ZNF106: variants seen among roughly 807,000 people sequenced by gnomAD.
The protein encoded by ZNF106 is zinc finger protein 106, also known as SH3-domain binding protein 3.
A neutral mutation model predicts 195.1 loss-of-function variants in ZNF106; 67 were observed. The ratio of observed to expected loss-of-function variants is 0.34; its 90% confidence interval spans 0.28 to 0.42. The LOEUF is 0.42. Ranked by LOEUF, ZNF106 falls within the 10% of genes least tolerant of loss-of-function variation. The probability of loss-of-function intolerance (pLI) is 1.00; values close to 1 mark genes in which losing one functional copy is unlikely to be tolerated. For missense variants in ZNF106, 2,118 were observed against 2,304.5 expected (o/e 0.92, Z 1.66); for synonymous variants, 784 against 818.6 (o/e 0.96, Z 0.72).
intron 3 of ZNF106, among the ~76,000 whole-genome samples, chr15:42,458,768 G>A (rs1330160999): frequency 2.6e-5 from 4 of 151,216 alleles, no homozygotes; most frequent in Admixed American, 2.6e-4. Context: ...TTCTAGGTGT[G>A]CTGTTTTTTG....
At chr15:42,454,802 G>A (rs1167028295) in intron 4 of ZNF106, among the ~76,000 whole-genome samples, 2 of 151,990 alleles carry the variant, frequency 1.3e-5, no homozygotes, top group African/African-American at 4.8e-5. Context: ...GGGAGGTTGA[G>A]GTGGGAGGAC....
intron 3 of ZNF106, chr15:42,457,471 G>C: frequency 8.2e-7 from 1 of 1,225,756 alleles, no homozygotes; most frequent in Non-Finnish European, 1.0e-6. Context: ...GGGGAGGCAG[G>C]GCAGGGGGCT....
In ZNF106 at chr15:42,444,258, G is replaced by A; in HGVS notation, c.3365C>T (p.Thr1122Ile). 4 of 1,606,336 alleles carry A rather than the reference G, an allele frequency of 2.5e-6. No homozygotes were observed. The highest frequency in any genetic ancestry group is 3.4e-6 in the Non-Finnish European group (4 of 1,174,866). The change falls in exon 9 of 22, where the codon ACT (threonine) becomes ATT (isoleucine). Residue 1122 changes from threonine (T) to isoleucine (I), a missense_variant. Transcript: ENST00000564754. ...QRLLMLKQQI[T>I]MEMSALRTHR... ...GGTCCTCAGTGCACTCATCTCCATA[G>A]TTATCTAAAAATAAAGTATTTTATT...
chr15:42,487,925 C>T (rs1325612858), intron 1 of ZNF106, among the ~76,000 whole-genome samples: 1 of 152,136 alleles, frequency 6.6e-6, no homozygotes, highest in African/African-American at 2.4e-5. Flanking sequence ...CAGGATCCCC[C>T]TCAATACCAA....
At chr15:42,452,770 C>T (rs2056088490) in intron 4 of ZNF106, among the ~76,000 whole-genome samples, 1 of 144,886 alleles carries the variant, frequency 6.9e-6, no homozygotes, top group African/African-American at 2.6e-5. Flanking sequence ...ACTGCAACCT[C>T]TGTCTCCCAG....
intron 1 of ZNF106, among the ~76,000 whole-genome samples, chr15:42,477,429 T>C (rs1474947673): frequency 1.3e-5 from 2 of 152,236 alleles, no homozygotes; most frequent in Admixed American, 1.3e-4. Flanking sequence ...GATAGTATAG[T>C]TTCCATATAC....
intron 1 of ZNF106, among the ~76,000 whole-genome samples, chr15:42,487,148 C>T (rs936249489): frequency 3.3e-5 from 5 of 151,546 alleles, no homozygotes; most frequent in African/African-American, 9.7e-5. Context: ...GAAACTCCAT[C>T]TTTAAAAAAA....
chr15:42,432,698 C>T (rs1486927839), intron 14 of ZNF106, among the ~76,000 whole-genome samples: 4 of 139,058 alleles, frequency 2.9e-5, no homozygotes, highest in Non-Finnish European at 4.5e-5. Context: ...CATAGCAAGA[C>T]CGTATTTCTA....
At chr15:42,459,876 T>C (rs1375230939) in intron 3 of ZNF106, among the ~76,000 whole-genome samples, 2 of 148,792 alleles carry the variant, frequency 1.3e-5, no homozygotes, top group Admixed American at 1.3e-4. Context: ...CCATCTCTAC[T>C]AAAAAAAAAT....
intron 1 of ZNF106, among the ~76,000 whole-genome samples, chr15:42,487,506 A>G: frequency 6.6e-6 from 1 of 151,368 alleles, no homozygotes; most frequent in Non-Finnish European, 1.5e-5. Context: ...AAAAAAAAAA[A>G]AAAAAAAAGC....
At position 42,472,231 on chromosome 15, in the gene ZNF106, A is replaced by G; in HGVS notation, c.54+5T>C. On this transcript the variant is annotated splice_donor_5th_base_variant and intron_variant, in intron 2 of 21. Transcript: ENST00000564754. ...AGCCTCAGATTCTCCCTCTTCCATT[A>G]TTACCTTTTTTGAGCTGTACACGAT... The G allele has an allele frequency of 1.3e-6, 2 of 1,534,660 alleles. No homozygotes were observed. Among genetic ancestry groups the G allele is most frequent in the Non-Finnish European group, 1.7e-6 (2 of 1,146,168 alleles).
chr15:42,474,318 T>C (rs1004282822), intron 1 of ZNF106, among the ~76,000 whole-genome samples: 16 of 152,176 alleles, frequency 1.1e-4, no homozygotes, highest in African/African-American at 3.4e-4. Flanking sequence ...GGACTTTGCA[T>C]ATTTTGTTCA....
chr15:42,418,760 T>G (rs1406223820), intron 20 of ZNF106, among the ~76,000 whole-genome samples: 1 of 152,068 alleles, frequency 6.6e-6, no homozygotes, highest in Non-Finnish European at 1.5e-5. Flanking sequence ...AAACTACATT[T>G]GTGGAAATAT....
intron 10 of ZNF106, among the ~76,000 whole-genome samples, chr15:42,440,920 T>G (rs2055477175): frequency 1.4e-5 from 2 of 139,142 alleles, no homozygotes; most frequent in Admixed American, 7.7e-5. Flanking sequence ...GAGGCAGAGG[T>G]TGCCGTGAGC....
chr15:42,438,815 A>G (rs2055384239), intron 11 of ZNF106, 148 bp from the exon 12 acceptor site: 1 of 885,258 alleles, frequency 1.1e-6, no homozygotes, highest in Non-Finnish European at 1.7e-6. Context: ...AAATTTCTTA[A>G]TGAAGGGAAA....
At chr15:42,448,782 G>T (rs190895442) in intron 5 of ZNF106, 77 bp from the exon 6 acceptor site, 4 of 1,442,504 alleles carry the variant, frequency 2.8e-6, no homozygotes, top group Admixed American at 4.6e-5. Context: ...AATGTGCCAG[G>T]CTCTCTCAAG....
intron 18 of ZNF106, 50 bp from the exon 19 acceptor site, chr15:42,422,038 T>C (rs745488116): frequency 6.6e-7 from 1 of 1,511,280 alleles, no homozygotes; most frequent in East Asian, 2.3e-5. Context: ...ACCTTGCGTT[T>C]AATAAGTACA....
intron 20 of ZNF106, among the ~76,000 whole-genome samples, chr15:42,418,731 T>C (rs893504648): frequency 6.6e-6 from 1 of 151,904 alleles, no homozygotes; most frequent in African/African-American, 2.4e-5. Flanking sequence ...AATGTGAAAA[T>C]AAAAATGTCT....
rs781569985 is a variant in ZNF106, at chr15:42,424,013, A to G, written c.5238T>C (p.His1746=). The part of the protein sequence containing the change: ...VFSGSSDQSV[H]AHNIHTGELV... ...CACAGCTTACGTGAATGTTGTGAGC[A>G]TGGACTGACTGATCACTGGAGCCAC... Residue 1746 remains histidine, a synonymous_variant, in exon 17 of 22, where the codon CAT becomes CAC. Coordinates refer to ENST00000564754, the MANE Select transcript of ZNF106 (RefSeq NM_001366845.3). 7 of 1,612,590 alleles carry G rather than the reference A, an allele frequency of 4.3e-6. No individual in the cohort carries two copies. Among genetic ancestry groups the G allele is most frequent in the Non-Finnish European group, 5.9e-6 (7 of 1,179,672 alleles).
Sources: gnomAD v4.1 joint callset for allele counts (sites outside exome capture counted in the v4.1 genomes callset) on GRCh38, gnomAD v4.1.1 for gene constraint, MANE v1.5 for transcripts, NCBI Gene and HGNC (gene_info 2026-07-23, HGNC 2026-07-21) for gene names.